The following ITGA2B variants were observed in gnomAD, a reference collection of about 807,000 sequenced individuals.
ITGA2B encodes integrin subunit alpha 2b.
ITGA2B carries 91 observed loss-of-function variants against 142.0 expected under a neutral mutation model. That is an observed-to-expected ratio of 0.64 (90% CI 0.54 to 0.76). The LOEUF (loss-of-function observed/expected upper bound fraction) is 0.76. ITGA2B is among the 30% of genes least tolerant of loss of function. The probability of loss-of-function intolerance (pLI) is 0.00; values close to 1 mark genes in which losing one functional copy is unlikely to be tolerated. For missense variants in ITGA2B, 1,231 were observed against 1,350.8 expected, an observed-to-expected ratio of 0.91 and a Z score of 1.39; for synonymous variants, 536 against 567.2, an observed-to-expected ratio of 0.94 and a Z score of 0.78.
At chr17:44,389,083 C>A (rs963295893) in intron 1 of ITGA2B, among the ~76,000 whole-genome samples, 1 of 152,130 alleles carries the variant, frequency 6.6e-6, no homozygotes, top group South Asian at 2.1e-4. Context: ...CAGTGCCCAT[C>A]AGCCCACATG....
intron 1 of ITGA2B, among the ~76,000 whole-genome samples, chr17:44,386,741 G>A (rs982805319): frequency 6.6e-6 from 1 of 152,176 alleles, no homozygotes; most frequent in Non-Finnish European, 1.5e-5. Context: ...GGTTAGCATG[G>A]TCCCAGCCAA....
chr17:44,380,197 C>T (rs2143460156), intron 16 of ITGA2B, 44 bp from the exon 17 acceptor site: 3 of 1,614,042 alleles, frequency 1.9e-6, no homozygotes, highest in Non-Finnish European at 2.5e-6. Context: ...TGGCCAGCCT[C>T]CGGGGGAGTC....
chr17:44,382,050 C>T (rs1416491762), intron 12 of ITGA2B, among the ~76,000 whole-genome samples: 1 of 152,060 alleles, frequency 6.6e-6, no homozygotes, highest in Non-Finnish European at 1.5e-5. Flanking sequence ...TGCTATAATC[C>T]CACACCAACT....
At position 44,374,740 on chromosome 17, in the gene ITGA2B, C is replaced by T. The variant is rs201119421; in HGVS notation, c.2862G>A (p.Val954=). 103 of 1,613,938 alleles carry T rather than the reference C, an allele frequency of 6.4e-5. No homozygotes were observed. Among genetic ancestry groups the T allele is most frequent in the African/African-American group, 1.1e-4 (8 of 74,904 alleles). The change falls in exon 28 of 30, where the codon GTG becomes GTA. Residue 954 remains valine (V), a synonymous_variant. Transcript: ENST00000262407. ...SLYQRPLDQF[V]LQSHAWFNVS... Reference sequence around the variant, plus strand: ...CGTTGAACCATGCGTGCGACTGCAGCACAAACTGATCCAGAGGCCTCTGGA... The same window carrying T: ...CGTTGAACCATGCGTGCGACTGCAGTACAAACTGATCCAGAGGCCTCTGGA...
intron 8 of ITGA2B, 31 bp downstream of exon 8, chr17:44,384,507 A>C (rs2048626184): frequency 6.2e-7 from 1 of 1,613,864 alleles, no homozygotes; most frequent in African/African-American, 1.3e-5. Context: ...GGGCTGGGCT[A>C]CCCAACTCCC....
intron 1 of ITGA2B, 45 bp from the exon 2 acceptor site, chr17:44,386,176 C>T: frequency 6.4e-7 from 1 of 1,551,940 alleles, no homozygotes; most frequent in South Asian, 1.2e-5. Context: ...TCCAGCGTAT[C>T]CCAGGCCCTG....
rs1330474160 is a variant in ITGA2B at position 44,378,431 on chromosome 17, G to C, written c.2025C>G (p.Ala675=). The C allele has an allele frequency of 6.2e-7, 1 of 1,613,368 alleles. No individual in the cohort carries two copies. The highest frequency in any genetic ancestry group is 8.5e-7 in the Non-Finnish European group (1 of 1,179,890). ...GGTGCACGGCCAGCTCTGCTTCATA[G>C]GCCCCCTCGCCCTCGTTGGCTGCGT... The part of the protein sequence containing the change: ...QMDAANEGEG[A]YEAELAVHLP... The change falls in exon 20 of 30, where the codon GCC becomes GCG. Residue 675 remains alanine (A), a synonymous_variant. Transcript: ENST00000262407.
chr17:44,377,058 T>C lies in ITGA2B; in HGVS notation c.2218A>G (p.Asn740Asp). The change falls in exon 22 of 30, where the codon AAT (asparagine) becomes GAT (aspartate). Residue 740 changes from asparagine (N) to aspartate (D), a missense_variant. Around this residue, in one of 3 missense-constraint regions of ITGA2B, gnomAD observed 908 missense variants for 1,021.1 expected, o/e 0.89. Coordinates refer to ENST00000262407, the MANE Select transcript of ITGA2B (RefSeq NM_000419.5). Reference sequence around the variant, plus strand: ...ACAGACTCCCCAGCCTCTTCCAGATTCCCCACGCTCACCAACATCGCGATT... The same window carrying C: ...ACAGACTCCCCAGCCTCTTCCAGATCCCCCACGCTCACCAACATCGCGATT... ...IGIAMLVSVG[N>D]LEEAGESVSF... is the part of the protein sequence containing the mutation. The C allele has an allele frequency of 6.3e-7, 1 of 1,590,474 alleles. No homozygotes were observed. The highest frequency in any genetic ancestry group is 8.6e-7 in the Non-Finnish European group (1 of 1,168,568).
At position 44,379,733 on chromosome 17, in the gene ITGA2B, C is replaced by A. The variant is rs2048577089; in HGVS notation, c.1834G>T (p.Ala612Ser). ...TCTCCATGCAGCACGACAGCAGGGGCCATTCCAGCCTCCGTGGGCGGTAGG... is the reference window on the plus strand; with the variant it reads ...TCTCCATGCAGCACGACAGCAGGGGACATTCCAGCCTCCGTGGGCGGTAGG... The part of the protein sequence containing the change: ...VSLPPTEAGM[A>S]PAVVLHGDTH... The change falls in exon 18 of 30, where the codon GCC (alanine) becomes TCC (serine). Residue 612 changes from alanine (A) to serine (S), a missense_variant. By Grantham distance (99) the Ala-to-Ser change is moderately conservative (BLOSUM62 1). This residue lies in a region of ITGA2B where 908 missense variants were observed against 1,021.1 expected (regional missense o/e 0.89). Coordinates refer to ENST00000262407, the MANE Select transcript of ITGA2B (RefSeq NM_000419.5). 1.9e-6 allele frequency: 3 copies of A among 1,613,846 alleles called. No individual in the cohort carries two copies. Among genetic ancestry groups the A allele is most frequent in the Admixed American group, 1.7e-5 (1 of 59,998 alleles).
rs78165611 is a variant in ITGA2B, at chr17:44,374,449, C to T, written c.2965G>A (p.Ala989Thr). Residue 989 changes from alanine (A) to threonine (T), a missense_variant, in exon 29 of 30, where the codon GCC becomes ACC. Physicochemically the swap from Ala to Thr is moderately conservative, Grantham distance 58. Around this residue, in one of 3 missense-constraint regions of ITGA2B, gnomAD observed 908 missense variants for 1,021.1 expected, o/e 0.89. Coordinates refer to ENST00000262407, the MANE Select transcript of ITGA2B (RefSeq NM_000419.5). ...ATTGGAATGGCCCTCTCCTCCAAGGCCCGGAGCAGCTGTGTCCACACCTGG... is the reference window on the plus strand; with the variant it reads ...ATTGGAATGGCCCTCTCCTCCAAGGTCCGGAGCAGCTGTGTCCACACCTGG... ...EAQVWTQLLR[A>T]LEERAIPIWW... 4.8e-4 allele frequency: 773 copies of T among 1,614,138 alleles called. 4 individuals carry two copies. The Middle Eastern group carries it at 0.013, about 27-fold the overall frequency.
chr17:44,388,264 T>C (rs1321029555), intron 1 of ITGA2B, among the ~76,000 whole-genome samples: 1 of 151,716 alleles, frequency 6.6e-6, no homozygotes, highest in African/African-American at 2.4e-5. Context: ...ATGAGGGAAA[T>C]GGAACAGAAA....
intron 29 of ITGA2B, among the ~76,000 whole-genome samples, chr17:44,373,279 A>C (rs908697939): frequency 4.6e-5 from 7 of 152,070 alleles, no homozygotes; most frequent in African/African-American, 1.7e-4. Context: ...CTGGAAGTAC[A>C]GGTGCCTGCC....
chr17:44,373,780 G>T (rs1415327473), intron 29 of ITGA2B: 1 of 169,416 alleles, frequency 5.9e-6, no homozygotes, highest in African/African-American at 2.4e-5. Flanking sequence ...GGTGGCAGGG[G>T]TGTCTAAAGG....
In ITGA2B at chr17:44,378,501, G is replaced by C. The variant is rs1227284448; in HGVS notation, c.1955C>G (p.Ser652Cys). The change falls in exon 20 of 30, where the codon TCC (serine) becomes TGC (cysteine). Residue 652 changes from serine (S) to cysteine (C), a missense_variant. By Grantham distance (112) the Ser-to-Cys change is moderately radical. Coordinates refer to ENST00000262407, the MANE Select transcript of ITGA2B (RefSeq NM_000419.5). Reference protein sequence around the residue: ...QLQLTASVTGSPLLVGADNVL... With the variant: ...QLQLTASVTGCPLLVGADNVL... ...ATTATCTGCCCCAACTAGGAGCGGG[G>C]AGCCCGTCCTGTGGGGAAAGAGGAG... The C allele has an allele frequency of 6.2e-7, 1 of 1,613,682 alleles. No homozygotes were observed. The highest frequency in any genetic ancestry group is 1.7e-5 in the Admixed American group (1 of 59,954).
At chr17:44,374,973 C>T (rs546476765) in intron 27 of ITGA2B, 25 bp downstream of exon 27, 3 of 1,500,648 alleles carry the variant, frequency 2.0e-6, no homozygotes, top group Admixed American at 2.0e-5. Context: ...AAGGCCCGGC[C>T]CCGCCCCACC....
At chr17:44,379,939 A>C (rs2048579227) in intron 17 of ITGA2B, 63 bp downstream of exon 17, 1 of 1,613,008 alleles carries the variant, frequency 6.2e-7, no homozygotes, top group Non-Finnish European at 8.5e-7. Context: ...CCAGGGCTAG[A>C]TGAACAAGTC....
chr17:44,377,786 A>G lies in ITGA2B; in HGVS notation c.2099T>C (p.Phe700Ser), dbSNP rs751574218. Reference protein sequence around the residue: ...YMRALSNVEGFERLICNQKKE... With the variant: ...YMRALSNVEGSERLICNQKKE... ...CTTCTGATTACAGATGAGTCTCTCA[A>G]AGCCCTTCAGGAAGGCAGTTCCAAG... The change falls in exon 21 of 30, where the codon TTT becomes TCT. Residue 700 changes from phenylalanine to serine, a missense_variant. Physicochemically the swap from Phe to Ser is radical, Grantham distance 155. This residue lies in a region of ITGA2B where 908 missense variants were observed against 1,021.1 expected (regional missense o/e 0.89). Transcript: ENST00000262407. The G allele has an allele frequency of 6.2e-7, 1 of 1,612,424 alleles. No homozygotes were observed.
intron 29 of ITGA2B, among the ~76,000 whole-genome samples, chr17:44,372,978 G>A (rs2048509918): frequency 6.6e-6 from 1 of 151,992 alleles, no homozygotes; most frequent in Non-Finnish European, 1.5e-5. Flanking sequence ...TTGTCACCCA[G>A]GCAATCCTCT....
At chr17:44,388,901 G>T (rs1421827221) in intron 1 of ITGA2B, among the ~76,000 whole-genome samples, 1 of 148,960 alleles carries the variant, frequency 6.7e-6, no homozygotes, top group Non-Finnish European at 1.5e-5. Flanking sequence ...TCGACCTCAG[G>T]TGATCTGCCC....
Sources: gnomAD v4.1 joint callset for allele counts (sites outside exome capture counted in the v4.1 genomes callset) on GRCh38, gnomAD v4.1.1 for gene constraint, gnomAD v4.1.1 regional missense constraint, MANE v1.5 for transcripts, NCBI Gene and HGNC (gene_info 2026-07-23, HGNC 2026-07-21) for gene names.